Variants in MGAT3 observed in about 807,000 individuals in gnomAD.
The protein encoded by MGAT3 is beta-1,4-mannosyl-glycoprotein 4-beta-N-acetylglucosaminyltransferase.
Under a neutral mutation model 29.8 loss-of-function variants are expected in MGAT3, and 9 were observed. The observed-to-expected ratio is 0.30, with a 90% CI of 0.18 to 0.53. The LOEUF (loss-of-function observed/expected upper bound fraction) is 0.53. MGAT3 is among the 20% of genes least tolerant of loss of function. MGAT3 has a pLI of 0.96. For synonymous variants in MGAT3, 397 were observed against 348.9 expected, an observed-to-expected ratio of 1.14 and a Z score of -1.54; for missense variants, 557 against 769.5, an observed-to-expected ratio of 0.72 and a Z score of 3.27.
chr22:39,471,364 C>T (rs1376665095), intron 1 of MGAT3, among the ~76,000 whole-genome samples: 1 of 152,152 alleles, frequency 6.6e-6, no homozygotes, highest in Admixed American at 6.5e-5. Flanking sequence ...AGCTCTTAAG[C>T]CTTTGCGGAG....
chr22:39,489,739 C>A lies in MGAT3; in HGVS notation c.*790C>A, dbSNP rs78874534. On this transcript the variant is annotated 3_prime_UTR_variant, in exon 2 of 2. Coordinates refer to ENST00000341184, the MANE Select transcript of MGAT3 (RefSeq NM_002409.5). Reference sequence around the variant, plus strand: ...ATTGCTGTCTTGTGGACTGTGCACTCAGTCCTTGCAAGGCCAAGAGTCCAG... The same window carrying A: ...ATTGCTGTCTTGTGGACTGTGCACTAAGTCCTTGCAAGGCCAAGAGTCCAG... 3,681 of 167,480 alleles carry A rather than the reference C, an allele frequency of 0.022. 88 individuals carry two copies. Among genetic ancestry groups the A allele is most frequent in the Non-Finnish European group, 0.026 (1,772 of 68,216 alleles). The allele number at this position is 167,480 out of a possible 1,614,324, so 10.4% of individuals were successfully genotyped here.
intron 1 of MGAT3, among the ~76,000 whole-genome samples, chr22:39,458,234 A>T (rs1928396693): frequency 6.6e-6 from 1 of 151,850 alleles, no homozygotes; most frequent in South Asian, 2.1e-4. Flanking sequence ...GGGAGTGGGG[A>T]GGGGAGTGCG....
At chr22:39,477,909 C>T (rs971406943) in intron 1 of MGAT3, among the ~76,000 whole-genome samples, 7 of 152,210 alleles carry the variant, frequency 4.6e-5, no homozygotes, top group Non-Finnish European at 7.3e-5. Context: ...GTTATACCTC[C>T]GTATCGTGGA....
intron 1 of MGAT3, among the ~76,000 whole-genome samples, chr22:39,467,545 C>G (rs1009413292): frequency 6.6e-6 from 1 of 152,152 alleles, no homozygotes; most frequent in African/African-American, 2.4e-5. Flanking sequence ...CTGCTGGGCA[C>G]CGCGAAGAGA....
At chr22:39,477,090 C>T (rs960506293) in intron 1 of MGAT3, among the ~76,000 whole-genome samples, 2 of 152,206 alleles carry the variant, frequency 1.3e-5, no homozygotes, top group African/African-American at 2.4e-5. Flanking sequence ...GATGCCGACT[C>T]CCTCTGCCAT....
intron 1 of MGAT3, chr22:39,486,272 A>G: frequency 2.8e-6 from 1 of 359,632 alleles, no homozygotes; most frequent in South Asian, 2.0e-5. Context: ...CTCAGCCGGT[A>G]TAGCTGGGAT....
chr22:39,481,091 C>T (rs1929112732), intron 1 of MGAT3, among the ~76,000 whole-genome samples: 1 of 152,242 alleles, frequency 6.6e-6, no homozygotes, highest in Non-Finnish European at 1.5e-5. Context: ...CGAACCATGC[C>T]TCCAGGCCCT....
At chr22:39,468,779 G>C (rs974093961) in intron 1 of MGAT3, among the ~76,000 whole-genome samples, 1 of 152,042 alleles carries the variant, frequency 6.6e-6, no homozygotes, top group Admixed American at 6.5e-5. Context: ...AGGGGCATCA[G>C]ACAGCACAGC....
intron 1 of MGAT3, among the ~76,000 whole-genome samples, chr22:39,467,338 T>C (rs1037928845): frequency 2.0e-5 from 3 of 150,982 alleles, no homozygotes; most frequent in African/African-American, 7.3e-5. Context: ...GGGAAAGGGG[T>C]GGGGAAGGGA....
At chr22:39,464,114 C>A (rs940769260) in intron 1 of MGAT3, among the ~76,000 whole-genome samples, 3 of 152,132 alleles carry the variant, frequency 2.0e-5, no homozygotes, top group East Asian at 1.9e-4. Context: ...CCGCGCTCAC[C>A]CCTGCCCCAC....
At chr22:39,477,682 G>A (rs1817992678) in intron 1 of MGAT3, 1 of 152,244 alleles carries the variant, frequency 6.6e-6, no homozygotes, top group Admixed American at 6.5e-5. Flanking sequence ...CTTTCTTTTA[G>A]ATCGGAGAAG....
chr22:39,480,614 A>G (rs1359275014), intron 1 of MGAT3, among the ~76,000 whole-genome samples: 1 of 152,180 alleles, frequency 6.6e-6, no homozygotes, highest in African/African-American at 2.4e-5. Flanking sequence ...GTTTGGATCT[A>G]GAGACAAAGG....
intron 1 of MGAT3, among the ~76,000 whole-genome samples, chr22:39,474,801 TCCC>T (rs984271591): frequency 4.6e-5 from 7 of 152,208 alleles, no homozygotes; most frequent in African/African-American, 1.7e-4. Flanking sequence ...CCTGGCCTGT[TCCC>T]CCAGGCCAAG....
chr22:39,464,130 C>T (rs1928571373), intron 1 of MGAT3, among the ~76,000 whole-genome samples: 1 of 152,166 alleles, frequency 6.6e-6, no homozygotes, highest in African/African-American at 2.4e-5. Flanking sequence ...CCCACCGCCC[C>T]CGCCATGCTG....
intron 1 of MGAT3, among the ~76,000 whole-genome samples, chr22:39,469,470 A>G (rs6001601): frequency 0.58 from 87,472 of 151,932 alleles, 27,031 homozygotes; most frequent in East Asian, 0.99. Flanking sequence ...GCACTGGGCC[A>G]CCTGAGCATG....
Position 39,488,256 on chromosome 22 carries a change from G to T in MGAT3, c.909G>T (p.Arg303=). The change falls in exon 2 of 2, where the codon CGG becomes CGT. Residue 303 remains arginine, a synonymous_variant. Coordinates refer to ENST00000341184, the MANE Select transcript of MGAT3 (RefSeq NM_002409.5). ...TCCTCACCCAGGACGGCGTCTCGCG[G>T]CTGCGCAACCTGCGGCCCGACGACG... ...RTFLTQDGVS[R]LRNLRPDDVF... 6.2e-7 allele frequency: 1 copy of T among 1,611,574 alleles called. No individual in the cohort carries two copies. Among genetic ancestry groups the T allele is most frequent in the Non-Finnish European group, 8.5e-7 (1 of 1,179,868 alleles).
At chr22:39,482,018 C>T (rs747303634) in intron 1 of MGAT3, among the ~76,000 whole-genome samples, 1 of 152,186 alleles carries the variant, frequency 6.6e-6, no homozygotes, top group Non-Finnish European at 1.5e-5. Context: ...GAATTGCGAT[C>T]TCTCAGCTCA....
At position 39,469,745 on chromosome 22, in the gene MGAT3, C is replaced by T. The variant is rs953085711; in HGVS notation, c.-2+12188C>T. On this transcript the variant is annotated intron_variant, in intron 1 of 1. Transcript: ENST00000341184. Reference sequence around the variant, plus strand: ...CCCCGTACCCCCGCTCCGCTCAGCCCGCCAGGCTGGAGATAGAGCTGAGGC... The same window carrying T: ...CCCCGTACCCCCGCTCCGCTCAGCCTGCCAGGCTGGAGATAGAGCTGAGGC... Among the ~76,000 whole-genome samples the T allele has an allele frequency of 3.0e-4, 45 of 152,240 alleles. 1 individual carries two copies. Among genetic ancestry groups the T allele is most frequent in the African/African-American group, 1.0e-3 (43 of 41,468 alleles).
At chr22:39,461,668 C>T (rs532167376) in intron 1 of MGAT3, among the ~76,000 whole-genome samples, 3 of 152,244 alleles carry the variant, frequency 2.0e-5, no homozygotes, top group South Asian at 4.1e-4. Flanking sequence ...CAAAAGCTTC[C>T]TCATGACCCC....
Sources: allele counts gnomAD v4.1 joint callset (sites outside exome capture counted in the v4.1 genomes callset), GRCh38; gene constraint gnomAD v4.1.1; transcripts MANE v1.5; gene names NCBI Gene and HGNC (gene_info 2026-07-23, HGNC 2026-07-21).